SEC63: variants seen among roughly 807,000 people sequenced by gnomAD.
SEC63 encodes the protein translocation protein SEC63 homolog.
A neutral mutation model predicts 116.2 loss-of-function variants in SEC63; 56 were observed. The ratio of observed to expected loss-of-function variants is 0.48; its 90% confidence interval spans 0.39 to 0.60. The LOEUF is 0.60. Ranked by LOEUF, SEC63 falls within the 20% of genes least tolerant of loss-of-function variation. The probability of loss-of-function intolerance (pLI) is 0.00; values close to 1 mark genes in which losing one functional copy is unlikely to be tolerated. For synonymous variants in SEC63, 273 were observed against 294.6 expected (o/e 0.93, Z 0.75); for missense variants, 668 against 900.0 (o/e 0.74, Z 3.30).
At chr6:107,928,691 A>G (rs577553238) in intron 2 of SEC63, among the ~76,000 whole-genome samples, 35 of 152,302 alleles carry the variant, frequency 2.3e-4, no homozygotes, top group African/African-American at 8.2e-4. Context: ...TTCACAAGAC[A>G]TAGTAGTCCA....
Position 107,882,973 on chromosome 6 carries a change from A to C in SEC63, c.1833+15T>G. On this transcript the variant is annotated intron_variant, in intron 17 of 20. Coordinates refer to ENST00000369002, the MANE Select transcript of SEC63 (RefSeq NM_007214.5). Reference sequence around the variant, plus strand: ...AATTCCAATTATTTAAATTATTTAAACCTATAAGGCTTACTGCTTCATCAT... The same window carrying C: ...AATTCCAATTATTTAAATTATTTAACCCTATAAGGCTTACTGCTTCATCAT... 6.7e-7 allele frequency: 1 copy of C among 1,492,368 alleles called. No individual in the cohort carries two copies. The highest frequency in any genetic ancestry group is 1.1e-5 in the South Asian group (1 of 88,424). 92.4% of individuals were successfully genotyped at this position (1,492,368 alleles called of 1,614,324 possible).
intron 16 of SEC63, among the ~76,000 whole-genome samples, chr6:107,888,122 C>A (rs748899659): frequency 2.6e-5 from 4 of 152,062 alleles, no homozygotes; most frequent in African/African-American, 9.7e-5. Flanking sequence ...TTTTCCAATT[C>A]TGTGAAGAAA....
At chr6:107,887,519 A>G (rs1256893748) in intron 16 of SEC63, among the ~76,000 whole-genome samples, 2 of 146,884 alleles carry the variant, frequency 1.4e-5, no homozygotes, top group Non-Finnish European at 3.0e-5. Flanking sequence ...AACACCGCAT[A>G]TTCTCACTCA....
chr6:107,946,128 G>A (rs991140312), intron 1 of SEC63, among the ~76,000 whole-genome samples: 2 of 151,700 alleles, frequency 1.3e-5, no homozygotes, highest in Non-Finnish European at 2.9e-5. Context: ...GTAAAGACGG[G>A]GTTTCACCAT....
chr6:107,912,569 A>G (rs751200354), intron 6 of SEC63, 147 bp downstream of exon 6: 1 of 678,660 alleles, frequency 1.5e-6, no homozygotes, highest in Non-Finnish European at 2.7e-6. Flanking sequence ...TGGGCAATAG[A>G]GCAAGACTCT....
At chr6:107,875,410 A>G (rs1209623362) in intron 19 of SEC63, among the ~76,000 whole-genome samples, 1 of 152,230 alleles carries the variant, frequency 6.6e-6, no homozygotes, top group Non-Finnish European at 1.5e-5. Context: ...TTAAAAGATC[A>G]GAGAGGCCAG....
At chr6:107,898,024 G>A (rs911451731) in intron 13 of SEC63, among the ~76,000 whole-genome samples, 1 of 152,098 alleles carries the variant, frequency 6.6e-6, no homozygotes, top group African/African-American at 2.4e-5. Flanking sequence ...CATCACTTTG[G>A]GAGGCCAAGG....
At chr6:107,903,096 A>G in intron 11 of SEC63, 98 bp from the exon 12 acceptor site, 1 of 1,206,450 alleles carries the variant, frequency 8.3e-7, no homozygotes, top group South Asian at 1.3e-5. Flanking sequence ...TAAATCCATA[A>G]CACCTCAAAT....
rs1407240221 is a variant in SEC63, at chr6:107,906,441, C to A, written c.961+7G>T. 6.2e-7 allele frequency: 1 copy of A among 1,614,072 alleles called. No individual in the cohort carries two copies. Among genetic ancestry groups the A allele is most frequent in the Admixed American group, 1.7e-5 (1 of 60,032 alleles). On this transcript the variant is annotated splice_region_variant and intron_variant, in intron 10 of 20. Transcript: ENST00000369002. ...TAAACCTCTGTAGATACCGGAATCA[C>A]AAATACCTTCTTCAAGGGTCTCAGG...
chr6:107,900,011 A>G (rs1269196620), intron 13 of SEC63, among the ~76,000 whole-genome samples: 1 of 152,298 alleles, frequency 6.6e-6, no homozygotes, highest in Non-Finnish European at 1.5e-5. Context: ...TTCCTATTAG[A>G]ATACAAGCTC....
intron 4 of SEC63, among the ~76,000 whole-genome samples, chr6:107,919,937 T>C (rs1055216135): frequency 2.6e-5 from 4 of 152,158 alleles, no homozygotes; most frequent in Non-Finnish European, 5.9e-5. Flanking sequence ...GTCAATTTAA[T>C]TGTCGTCTTA....
rs146533854 is a variant in SEC63 at position 107,946,760 on chromosome 6, T to C, written c.124+11126A>G. Among the ~76,000 whole-genome samples, 110 of 152,248 alleles carry C rather than the reference T, an allele frequency of 7.2e-4. No individual in the cohort carries two copies. In the East Asian group the frequency reaches 0.019, roughly 26 times the overall value. ...CTGAGAAAACTGTAAGCTCTACACATTGGGAGGCTGAGGCGGGCGGATCAT... is the reference window on the plus strand; with the variant it reads ...CTGAGAAAACTGTAAGCTCTACACACTGGGAGGCTGAGGCGGGCGGATCAT... On this transcript the variant is annotated intron_variant, in intron 1 of 20. Coordinates refer to ENST00000369002, the MANE Select transcript of SEC63 (RefSeq NM_007214.5).
chr6:107,918,516 A>T (rs1424646096), intron 4 of SEC63, among the ~76,000 whole-genome samples: 4 of 151,764 alleles, frequency 2.6e-5, no homozygotes, highest in African/African-American at 9.7e-5. Context: ...CCAACATAAA[A>T]CCCTGTCTCT....
At chr6:107,902,052 C>T (rs80185245) in intron 12 of SEC63, among the ~76,000 whole-genome samples, 1,733 of 152,028 alleles carry the variant, frequency 0.011, 36 homozygotes, top group African/African-American at 0.039. Context: ...TACTTAGGAG[C>T]GTGTTCTTTA....
Position 107,913,363 on chromosome 6 carries a change from C to T in SEC63, c.514+3G>A, listed in dbSNP as rs766204076. The T allele has an allele frequency of 2.0e-5, 32 of 1,574,532 alleles. No homozygotes were observed. Among genetic ancestry groups the T allele is most frequent in the Non-Finnish European group, 2.2e-5 (25 of 1,144,270 alleles). ...AATATTTTAAAATCATCATTTACCA[C>T]ACCTTGAGGCCCATCTGGATTTCCA... On this transcript the variant is annotated splice_donor_region_variant and intron_variant, in intron 5 of 20. Coordinates refer to ENST00000369002, the MANE Select transcript of SEC63 (RefSeq NM_007214.5).
chr6:107,924,468 A>C (rs1014886192), intron 3 of SEC63, among the ~76,000 whole-genome samples: 2 of 151,746 alleles, frequency 1.3e-5, no homozygotes, highest in African/African-American at 4.8e-5. Context: ...TGGGAGGCTG[A>C]GGTAGGAGAA....
chr6:107,957,829 C>T (rs1770741771), intron 1 of SEC63, 57 bp downstream of exon 1: 5 of 1,527,208 alleles, frequency 3.3e-6, no homozygotes, highest in Non-Finnish European at 2.6e-6. Flanking sequence ...CGCCGCAGGG[C>T]CTGGGGGCGC....
intron 14 of SEC63, among the ~76,000 whole-genome samples, chr6:107,894,280 T>G (rs1487007488): frequency 1.3e-5 from 2 of 152,224 alleles, no homozygotes; most frequent in African/African-American, 4.8e-5. Flanking sequence ...CAGTGTGATG[T>G]GCGAAATAAC....
Position 107,958,040 on chromosome 6 carries a change from C to T in SEC63, c.-31G>A. The T allele has an allele frequency of 6.2e-7, 1 of 1,611,734 alleles. No individual in the cohort carries two copies. The highest frequency in any genetic ancestry group is 1.1e-5 in the South Asian group (1 of 91,060). ...CCCCTCCTCCGCCTCGCTCTTCTCA[C>T]CGCCGCCGCCACGACCACGCTCTGC... On this transcript the variant is annotated 5_prime_UTR_variant, in exon 1 of 21. The change creates a new upstream start codon in the 5' untranslated region. Coordinates refer to ENST00000369002, the MANE Select transcript of SEC63 (RefSeq NM_007214.5).
Sources: allele counts gnomAD v4.1 joint callset (sites outside exome capture counted in the v4.1 genomes callset), GRCh38; gene constraint gnomAD v4.1.1; transcripts MANE v1.5; gene names NCBI Gene and HGNC (gene_info 2026-07-23, HGNC 2026-07-21).